CD247: variants seen among roughly 807,000 people sequenced by gnomAD.
CD247 encodes CD247 molecule.
A neutral mutation model predicts 30.0 loss-of-function variants in CD247; 13 were observed. The observed-to-expected ratio is 0.43, with a 90% confidence interval of 0.28 to 0.69. The LOEUF (loss-of-function observed/expected upper bound fraction) is 0.69, where lower values mean the gene tolerates loss of function less well. CD247 is among the 30% of genes least tolerant of loss of function. CD247 has a pLI of 0.16. For synonymous variants in CD247, 72 were observed against 80.0 expected, an observed-to-expected ratio of 0.90 and a Z score of 0.53; for missense variants, 193 against 212.6, an observed-to-expected ratio of 0.91 and a Z score of 0.57.
intron 1 of CD247, among the ~76,000 whole-genome samples, chr1:167,479,433 A>C (rs1453811773): frequency 1.3e-5 from 2 of 152,188 alleles, no homozygotes; most frequent in African/African-American, 4.8e-5. Flanking sequence ...CTGCTGATCT[A>C]GTTTCCCCGA....
Position 167,434,266 on chromosome 1 carries a change from C to T in CD247, c.337-190G>A, listed in dbSNP as rs563414907. 2.9e-4 allele frequency: 189 copies of T among 651,144 alleles called. 3 individuals carry two copies. In the South Asian group the frequency reaches 3.1e-3, roughly 11 times the overall value. 40.3% of individuals were successfully genotyped at this position (651,144 alleles called of 1,614,324 possible). ...ACAACCAGCTCCAGCCCACCCCCCT[C>T]ATCCTCAGCCCTTTGGAGTCTCCTC... On this transcript the variant is annotated intron_variant, in intron 5 of 7. Transcript: ENST00000362089.
intron 1 of CD247, among the ~76,000 whole-genome samples, chr1:167,515,198 C>G (rs1269807829): frequency 6.6e-6 from 1 of 152,204 alleles, no homozygotes; most frequent in Non-Finnish European, 1.5e-5. Flanking sequence ...ACTGGTATCA[C>G]TTAAAAGCTT....
chr1:167,517,664 G>A (rs867811060), intron 1 of CD247, among the ~76,000 whole-genome samples: 1 of 152,194 alleles, frequency 6.6e-6, no homozygotes, highest in African/African-American at 2.4e-5. Context: ...TGTCAATGCC[G>A]GGCCCTCTGG....
intron 1 of CD247, among the ~76,000 whole-genome samples, chr1:167,489,242 A>G (rs1654339851): frequency 6.6e-6 from 1 of 152,196 alleles, no homozygotes; most frequent in South Asian, 2.1e-4. Flanking sequence ...ATGATAATTT[A>G]AACTATATAT....
intron 1 of CD247, among the ~76,000 whole-genome samples, chr1:167,517,794 A>G (rs1056072865): frequency 1.3e-5 from 2 of 152,178 alleles, no homozygotes; most frequent in Non-Finnish European, 2.9e-5. Context: ...GAGCCTAGAC[A>G]CGGACGCTTG....
intron 1 of CD247, among the ~76,000 whole-genome samples, chr1:167,464,101 A>G (rs1285760086): frequency 1.3e-5 from 2 of 152,166 alleles, no homozygotes; most frequent in South Asian, 2.1e-4. Flanking sequence ...TAGTTTTACC[A>G]TGGAATGTGC....
At chr1:167,495,416 G>A (rs1025197753) in intron 1 of CD247, among the ~76,000 whole-genome samples, 1 of 152,186 alleles carries the variant, frequency 6.6e-6, no homozygotes, top group Non-Finnish European at 1.5e-5. Context: ...GAGGGAAGAA[G>A]AGTGTGCTCC....
In CD247 at chr1:167,472,726, G is replaced by A. The variant is rs922281095; in HGVS notation, c.59-31959C>T. On this transcript the variant is annotated intron_variant, in intron 1 of 7. Coordinates refer to ENST00000362089, the MANE Select transcript of CD247 (RefSeq NM_198053.3). The stretch of plus-strand genomic sequence containing the variant: ...AAAATCAAAGTGGGCAAAGGCATCT[G>A]TTGGAAGCGCTCTAAATATGCAGAT... 2.6e-5 allele frequency among the ~76,000 whole-genome samples: 4 copies of A among 152,138 alleles called. No individual in the cohort carries two copies. In the South Asian group the frequency reaches 6.2e-4, roughly 24 times the overall value.
intron 1 of CD247, among the ~76,000 whole-genome samples, chr1:167,441,926 C>T (rs780000049): frequency 3.9e-5 from 6 of 152,180 alleles, no homozygotes; most frequent in Non-Finnish European, 5.9e-5. Context: ...GCCTGGCCAA[C>T]GTGGTGAAAC....
chr1:167,460,581 G>A (rs12066323), intron 1 of CD247, among the ~76,000 whole-genome samples: 5,971 of 152,096 alleles, frequency 0.039, 389 homozygotes, highest in African/African-American at 0.14. Flanking sequence ...CCACGGCCTC[G>A]GCGAGTTATT....
At chr1:167,513,704 C>T (rs760647035) in intron 1 of CD247, among the ~76,000 whole-genome samples, 26 of 152,078 alleles carry the variant, frequency 1.7e-4, no homozygotes, top group Non-Finnish European at 3.1e-4. Flanking sequence ...GCTTATTTTC[C>T]GCTTTCCTCC....
chr1:167,435,507 A>C, intron 4 of CD247, 73 bp from the exon 5 acceptor site: 4 of 1,214,490 alleles, frequency 3.3e-6, no homozygotes, highest in Non-Finnish European at 4.9e-6. Context: ...AGCAAACCCC[A>C]TCCTGCCCCC....
intron 1 of CD247, among the ~76,000 whole-genome samples, chr1:167,454,282 A>G (rs1652520971): frequency 6.6e-6 from 1 of 152,204 alleles, no homozygotes; most frequent in Non-Finnish European, 1.5e-5. Context: ...TCTGCAGAGG[A>G]GCCACGGGAG....
chr1:167,441,065 C>T (rs1557996231), intron 1 of CD247, among the ~76,000 whole-genome samples: 1 of 152,182 alleles, frequency 6.6e-6, no homozygotes, highest in Non-Finnish European at 1.5e-5. Flanking sequence ...CACAGAGCTC[C>T]TGCCACTGCA....
chr1:167,442,574 C>T lies in CD247; in HGVS notation c.59-1807G>A, dbSNP rs368617583. Among the ~76,000 whole-genome samples, 5 of 152,330 alleles carry T rather than the reference C, an allele frequency of 3.3e-5. No individual in the cohort carries two copies. In the East Asian group the frequency reaches 5.8e-4, roughly 18 times the overall value. On this transcript the variant is annotated intron_variant, in intron 1 of 7. Transcript: ENST00000362089. ...ACCGAGTATTCGGGTTCAGAGCACACGGTCACAGGCAGCCCAGGACTGATC... is the reference window on the plus strand; with the variant it reads ...ACCGAGTATTCGGGTTCAGAGCACATGGTCACAGGCAGCCCAGGACTGATC...
chr1:167,493,338 T>C (rs1050325616), intron 1 of CD247, among the ~76,000 whole-genome samples: 3 of 152,140 alleles, frequency 2.0e-5, no homozygotes, highest in South Asian at 2.1e-4. Context: ...CCACCGCACC[T>C]GGCCAGTTTT....
chr1:167,491,383 A>G (rs1654443105), intron 1 of CD247, among the ~76,000 whole-genome samples: 2 of 152,174 alleles, frequency 1.3e-5, no homozygotes, highest in South Asian at 2.1e-4. Context: ...AGCCTGACCA[A>G]CATGGAGAAA....
At chr1:167,475,831 G>T (rs1196635756) in intron 1 of CD247, among the ~76,000 whole-genome samples, 3 of 152,092 alleles carry the variant, frequency 2.0e-5, no homozygotes, top group Non-Finnish European at 4.4e-5. Context: ...GTGGGGGAAG[G>T]AATTCTAGAT....
chr1:167,469,853 T>G (rs1653427142), intron 1 of CD247, among the ~76,000 whole-genome samples: 1 of 152,170 alleles, frequency 6.6e-6, no homozygotes, highest in African/African-American at 2.4e-5. Context: ...TTGGACCTCT[T>G]CTCTAATCTT....
Sources: gnomAD v4.1 joint callset for allele counts (sites outside exome capture counted in the v4.1 genomes callset) on GRCh38, gnomAD v4.1.1 for gene constraint, MANE v1.5 for transcripts, NCBI Gene and HGNC (gene_info 2026-07-23, HGNC 2026-07-21) for gene names.